The following TTC17 variants were observed in gnomAD, a reference collection of about 807,000 sequenced individuals.
TTC17 encodes the protein tetratricopeptide repeat protein 17.
Under a neutral mutation model 143.8 loss-of-function variants are expected in TTC17, and 58 were observed. That is an observed-to-expected ratio of 0.40 (90% CI 0.33 to 0.50). TTC17 has a LOEUF of 0.50. Among genes scored for constraint, TTC17 ranks in the 20% least tolerant of loss-of-function variants. The pLI is 0.49. For missense variants in TTC17, 1,273 were observed against 1,392.5 expected (o/e 0.91, Z 1.37); for synonymous variants, 501 against 497.8 (o/e 1.01, Z -0.09).
At chr11:43,481,177 A>G (rs1036129811) in intron 21 of TTC17, among the ~76,000 whole-genome samples, 1 of 152,216 alleles carries the variant, frequency 6.6e-6, no homozygotes, top group African/African-American at 2.4e-5. Flanking sequence ...AAGATATACC[A>G]GTTCTAAACT....
In TTC17 at chr11:43,407,143, G is replaced by C. The variant is rs1206391040; in HGVS notation, c.1767G>C (p.Leu589Phe). Residue 589 changes from leucine (L) to phenylalanine (F), a missense_variant, in exon 14 of 24, where the codon TTG becomes TTC. Leu to Phe is a conservative substitution (Grantham distance 22). Coordinates refer to ENST00000039989, the MANE Select transcript of TTC17 (RefSeq NM_018259.6). ...TCTTCCTTTTGATGTTTCAGATTTT[G>C]CTTTCCCGTATTAATAACTATACTA... ...KMPDDHARKI[L>F]LSRINNYTIP... 6.4e-7 allele frequency: 1 copy of C among 1,572,468 alleles called. No homozygotes were observed. Among genetic ancestry groups the C allele is most frequent in the Non-Finnish European group, 8.6e-7 (1 of 1,164,064 alleles).
intron 16 of TTC17, among the ~76,000 whole-genome samples, chr11:43,416,260 G>T (rs1316803236): frequency 6.6e-6 from 1 of 151,908 alleles, no homozygotes; most frequent in Non-Finnish European, 1.5e-5. Flanking sequence ...TTATAAAAAG[G>T]ATTTTACTTT....
chr11:43,493,780 T>C lies in TTC17; in HGVS notation c.3302T>C (p.Phe1101Ser). The C allele has an allele frequency of 6.2e-7, 1 of 1,613,940 alleles. No homozygotes were observed. Among genetic ancestry groups the C allele is most frequent in the Non-Finnish European group, 8.5e-7 (1 of 1,179,932 alleles). Residue 1101 changes from phenylalanine to serine, a missense_variant, in exon 24 of 24, where the codon TTT becomes TCT. By Grantham distance (155) the Phe-to-Ser change is radical. This residue lies in a region of TTC17 where 878 missense variants were observed against 899.8 expected (regional missense o/e 0.98). Coordinates refer to ENST00000039989, the MANE Select transcript of TTC17 (RefSeq NM_018259.6). ...TCTCCTTGGCCCTCACAGGAAGAAT[T>C]TGAAAAAGCACTGGTGTGGTATGAA... Reference protein sequence around the residue: ...LGNVYVAMEEFEKALVWYEST... With the variant: ...LGNVYVAMEESEKALVWYEST...
chr11:43,457,499 A>T (rs1947786079), intron 21 of TTC17, among the ~76,000 whole-genome samples: 1 of 152,156 alleles, frequency 6.6e-6, no homozygotes, highest in Non-Finnish European at 1.5e-5. Flanking sequence ...ATAGGAGTAG[A>T]TTTACAGATA....
intron 21 of TTC17, among the ~76,000 whole-genome samples, chr11:43,477,397 G>A (rs1335271709): frequency 2.6e-5 from 4 of 152,152 alleles, no homozygotes; most frequent in African/African-American, 9.7e-5. Flanking sequence ...CCAATTTACT[G>A]TATTAGCTTG....
At chr11:43,411,721 A>G (rs1286681458) in intron 15 of TTC17, among the ~76,000 whole-genome samples, 2 of 152,272 alleles carry the variant, frequency 1.3e-5, no homozygotes, top group East Asian at 3.9e-4. Context: ...TAATTATAAC[A>G]CTTTGTTTCC....
At chr11:43,467,275 G>C (rs1460230179) in intron 21 of TTC17, among the ~76,000 whole-genome samples, 14 of 152,174 alleles carry the variant, frequency 9.2e-5, no homozygotes, top group Admixed American at 9.2e-4. Context: ...AGCCATCTGT[G>C]TGCCCATCCA....
intron 2 of TTC17, among the ~76,000 whole-genome samples, chr11:43,380,637 G>A (rs17593425): frequency 0.083 from 12,652 of 152,190 alleles, 883 homozygotes; most frequent in Admixed American, 0.23. Context: ...CATACATTTA[G>A]TATATTTATC....
chr11:43,440,099 C>G (rs1947383041), intron 16 of TTC17, among the ~76,000 whole-genome samples: 2 of 152,238 alleles, frequency 1.3e-5, no homozygotes, highest in African/African-American at 4.8e-5. Flanking sequence ...TTGAAACCTT[C>G]TGAGATCTCT....
At chr11:43,386,566 GA>G (rs2134508026) in intron 2 of TTC17, among the ~76,000 whole-genome samples, 1 of 152,228 alleles carries the variant, frequency 6.6e-6, no homozygotes, top group South Asian at 2.1e-4. Context: ...GTTTGGGAAG[GA>G]TTTCTTAAAT....
chr11:43,425,432 TTA>T (rs1438063955), intron 16 of TTC17, among the ~76,000 whole-genome samples: 12 of 152,240 alleles, frequency 7.9e-5, no homozygotes, highest in Non-Finnish European at 1.6e-4. Flanking sequence ...CCTCAGAAAA[TTA>T]TGTTTGCTTT....
chr11:43,399,425 G>A (rs577369597), intron 8 of TTC17, among the ~76,000 whole-genome samples: 1 of 152,254 alleles, frequency 6.6e-6, no homozygotes, highest in East Asian at 1.9e-4. Context: ...AGTTATTCTG[G>A]AGACTGAGGC....
intron 10 of TTC17, among the ~76,000 whole-genome samples, chr11:43,403,248 A>G (rs1403993566): frequency 1.3e-5 from 2 of 152,260 alleles, no homozygotes; most frequent in Non-Finnish European, 1.5e-5. Flanking sequence ...GTAGCTTCCA[A>G]TAGTCTATAT....
At chr11:43,443,231 C>T in intron 16 of TTC17, 94 bp from the exon 17 acceptor site, 1 of 1,473,244 alleles carries the variant, frequency 6.8e-7, no homozygotes, top group Non-Finnish European at 9.2e-7. Context: ...CTAAGCAGAG[C>T]CAAAACGTTT....
In TTC17 at chr11:43,391,490, T is replaced by A. The variant is rs1857383243; in HGVS notation, c.445T>A (p.Ser149Thr). ...TCCTGAAGATTATATAGACACAGAA[T>A]CTCCTGTCCCTCCAGACCCAGAGCA... ...ISPEDYIDTE[S>T]PVPPDPEQPD... The change falls in exon 4 of 24, where the codon TCT becomes ACT. Residue 149 changes from serine (S) to threonine (T), a missense_variant. Ser to Thr is a moderately conservative substitution (Grantham distance 58). Around this residue, in one of 3 missense-constraint regions of TTC17, gnomAD observed 325 missense variants for 444.2 expected, o/e 0.73. Coordinates refer to ENST00000039989, the MANE Select transcript of TTC17 (RefSeq NM_018259.6). 1 of 1,606,226 alleles carries A rather than the reference T, an allele frequency of 6.2e-7. No homozygotes were observed. The highest frequency in any genetic ancestry group is 1.3e-5 in the African/African-American group (1 of 74,366).
chr11:43,362,197 T>A lies in TTC17; in HGVS notation c.159+3084T>A, dbSNP rs529161819. The stretch of plus-strand genomic sequence containing the variant: ...TGTGTGTGTGTGTGTGTGTGTGTAT[T>A]TTTAGTAGAGACAGGGTTTTACCAT... On this transcript the variant is annotated intron_variant, in intron 1 of 23. Coordinates refer to ENST00000039989, the MANE Select transcript of TTC17 (RefSeq NM_018259.6). 6.3e-5 allele frequency among the ~76,000 whole-genome samples: 9 copies of A among 143,330 alleles called. No individual in the cohort carries two copies. The South Asian group carries it at 8.9e-4, about 14-fold the overall frequency. The allele number at this position is 143,330 out of a possible 152,430, so 94.0% of individuals were successfully genotyped here.
intron 1 of TTC17, among the ~76,000 whole-genome samples, chr11:43,361,529 A>G (rs1856103802): frequency 6.6e-6 from 1 of 152,264 alleles, no homozygotes; most frequent in Non-Finnish European, 1.5e-5. Context: ...CATCTTTTAC[A>G]ATAAAGTATC....
chr11:43,444,873 CATTTT>C (rs1449828128), intron 18 of TTC17, among the ~76,000 whole-genome samples: 1 of 152,072 alleles, frequency 6.6e-6, no homozygotes, highest in Non-Finnish European at 1.5e-5. Context: ...GTGTAACACA[CATTTT>C]ATTTAACTGA....
intron 20 of TTC17, 108 bp downstream of exon 20, chr11:43,450,349 C>A: frequency 1.5e-6 from 2 of 1,314,668 alleles, no homozygotes; most frequent in Non-Finnish European, 2.0e-6. Context: ...AAAATAGGGG[C>A]TTTTTTCAGT....
Sources: gnomAD v4.1 joint callset for allele counts (sites outside exome capture counted in the v4.1 genomes callset) on GRCh38, gnomAD v4.1.1 for gene constraint, gnomAD v4.1.1 regional missense constraint, MANE v1.5 for transcripts, NCBI Gene and HGNC (gene_info 2026-07-23, HGNC 2026-07-21) for gene names.